USP13: variants seen among roughly 807,000 people sequenced by gnomAD.
USP13 encodes ubiquitin carboxyl-terminal hydrolase 13.
USP13 carries 68 observed loss-of-function variants against 107.8 expected under a neutral mutation model. That is an observed-to-expected ratio of 0.63 (90% CI 0.52 to 0.77). The LOEUF (loss-of-function observed/expected upper bound fraction) is 0.77. USP13 is among the 30% of genes least tolerant of loss of function. USP13 has a pLI of 0.00. For synonymous variants in USP13, 377 were observed against 389.5 expected (o/e 0.97, Z 0.38); for missense variants, 945 against 1,093.3 (o/e 0.86, Z 1.91).
Position 179,788,882 on chromosome 3 carries a change from C to T in USP13, c.*4741C>T, listed in dbSNP as rs918259697. On this transcript the variant is annotated 3_prime_UTR_variant, in exon 21 of 21. Coordinates refer to ENST00000263966, the MANE Select transcript of USP13 (RefSeq NM_003940.3). ...GAGCACTGTGAGGCACAGAACATCT[C>T]CCAGAAAGCAGATTTTTTTTTTCTG... 17 of 151,754 alleles carry T rather than the reference C, an allele frequency of 1.1e-4. No homozygotes were observed. Among genetic ancestry groups the T allele is most frequent in the African/African-American group, 3.4e-4 (14 of 41,408 alleles). The allele number at this position is 151,754 out of a possible 1,614,324, so 9.4% of individuals were successfully genotyped here. A position where few individuals can be genotyped will look rare whatever the true frequency, so the allele number is the denominator to read the frequency against.
intron 19 of USP13, among the ~76,000 whole-genome samples, chr3:179,778,160 C>T (rs756732242): frequency 2.4e-4 from 37 of 151,782 alleles, no homozygotes; most frequent in Non-Finnish European, 4.1e-4. Flanking sequence ...GCAATCTTCT[C>T]GGATTCATTT....
intron 1 of USP13, among the ~76,000 whole-genome samples, chr3:179,677,317 C>T (rs530253534): frequency 1.3e-5 from 2 of 152,038 alleles, no homozygotes; most frequent in Admixed American, 6.6e-5. Context: ...GGTGCAGTGG[C>T]TCACGCTGTA....
At chr3:179,777,443 CTTTTT>C (rs11317182) in intron 19 of USP13, among the ~76,000 whole-genome samples, 18 of 113,696 alleles carry the variant, frequency 1.6e-4, no homozygotes, top group Non-Finnish European at 3.0e-4. Flanking sequence ...CTCTCTCTCT[CTTTTT>C]TTTTTTTTTT....
rs756185305 is a variant in USP13 at position 179,784,101 on chromosome 3, A to G, written c.2552A>G (p.Asp851Gly). The G allele has an allele frequency of 1.2e-6, 2 of 1,613,228 alleles. No homozygotes were observed. Among genetic ancestry groups the G allele is most frequent in the African/African-American group, 2.7e-5 (2 of 74,828 alleles). Residue 851 changes from aspartate to glycine, a missense_variant, in exon 21 of 21, where the codon GAC (aspartate) becomes GGC (glycine). Transcript: ENST00000263966. ...TGTGCCTCAGAAAGGCCCCCTAAAG[A>G]CCTGGGCTACATGTACTTTTACCGC... ...KVCASERPPK[D>G]LGYMYFYRRI...
rs781272450 is a variant in USP13 at position 179,754,778 on chromosome 3, A to G, written c.1845A>G (p.Arg615=). 6.2e-7 allele frequency: 1 copy of G among 1,613,666 alleles called. No homozygotes were observed. ...ACCTACTTGATATCAACCATCTCCG[A>G]GCCAGGGGGTTACAGCCAGGAGAGG... ...MPDLLDINHL[R]ARGLQPGEEE... Residue 615 remains arginine (R), a synonymous_variant, in exon 15 of 21, where the codon CGA becomes CGG. Coordinates refer to ENST00000263966, the MANE Select transcript of USP13 (RefSeq NM_003940.3).
chr3:179,777,060 A>C (rs1715567254), intron 19 of USP13, among the ~76,000 whole-genome samples: 1 of 152,118 alleles, frequency 6.6e-6, no homozygotes, highest in Non-Finnish European at 1.5e-5. Flanking sequence ...GAGGTCGTGA[A>C]TAATGCATGG....
intron 7 of USP13, among the ~76,000 whole-genome samples, chr3:179,720,811 CT>C (rs1215405779): frequency 2.0e-3 from 285 of 142,334 alleles, no homozygotes; most frequent in East Asian, 2.6e-3. Context: ...TCTTTAAAAT[CT>C]TTTTTTTTTT....
chr3:179,755,520 G>C (rs765724272), intron 15 of USP13, among the ~76,000 whole-genome samples: 1 of 152,080 alleles, frequency 6.6e-6, no homozygotes, highest in Admixed American at 6.6e-5. Flanking sequence ...GGATGGTCTC[G>C]ATCTCCTGAC....
At chr3:179,688,672 A>T (rs1044209606) in intron 2 of USP13, among the ~76,000 whole-genome samples, 4 of 152,236 alleles carry the variant, frequency 2.6e-5, no homozygotes, top group Admixed American at 2.6e-4. Flanking sequence ...GCAAGTTTTC[A>T]TGCAACCCCT....
chr3:179,767,264 T>A (rs892420389), intron 19 of USP13, among the ~76,000 whole-genome samples: 1 of 152,172 alleles, frequency 6.6e-6, no homozygotes, highest in Non-Finnish European at 1.5e-5. Context: ...TACATACCAT[T>A]ATTATCCCCA....
At chr3:179,682,336 G>A (rs78065530) in intron 2 of USP13, among the ~76,000 whole-genome samples, 3 of 150,558 alleles carry the variant, frequency 2.0e-5, no homozygotes, top group Non-Finnish European at 4.4e-5. Context: ...CCATTTGAAT[G>A]TTCCTGCTTC....
intron 19 of USP13, among the ~76,000 whole-genome samples, chr3:179,779,817 G>A (rs936001106): frequency 6.6e-6 from 1 of 152,108 alleles, no homozygotes; most frequent in African/African-American, 2.4e-5. Context: ...AGGAAGCAAG[G>A]AGTCCAATTA....
intron 3 of USP13, among the ~76,000 whole-genome samples, chr3:179,694,450 C>T (rs530208498): frequency 3.3e-5 from 5 of 152,158 alleles, no homozygotes; most frequent in South Asian, 2.1e-4. Flanking sequence ...GGTCACCTTA[C>T]GGTCCAAAAT....
At chr3:179,740,206 G>C in intron 10 of USP13, 41 bp from the exon 11 acceptor site, 1 of 1,608,676 alleles carries the variant, frequency 6.2e-7, no homozygotes, top group Admixed American at 1.7e-5. Context: ...CTGTTAATTT[G>C]CATGAAAGTA....
Position 179,691,222 on chromosome 3 carries a change from A to G in USP13, c.355+921A>G, listed in dbSNP as rs183452574. ...TTTCTTTTTATTTCTAAAATTAGCC[A>G]AACTACAGACTTCATTCAGATTTCA... On this transcript the variant is annotated intron_variant, in intron 3 of 20. Transcript: ENST00000263966. 8.4e-4 allele frequency among the ~76,000 whole-genome samples: 128 copies of G among 151,978 alleles called. 1 individual carries two copies. Among genetic ancestry groups the G allele is most frequent in the African/African-American group, 2.8e-3 (116 of 41,460 alleles).
At chr3:179,776,265 T>A (rs959983389) in intron 19 of USP13, among the ~76,000 whole-genome samples, 1 of 152,106 alleles carries the variant, frequency 6.6e-6, no homozygotes, top group Non-Finnish European at 1.5e-5. Flanking sequence ...TTCTTCTCCT[T>A]GGCAGTACAG....
At chr3:179,702,320 G>A (rs924431008) in intron 4 of USP13, among the ~76,000 whole-genome samples, 1 of 152,156 alleles carries the variant, frequency 6.6e-6, no homozygotes, top group Admixed American at 6.5e-5. Flanking sequence ...CGCCCGGCCT[G>A]GTCTCCCATT....
chr3:179,733,303 G>A (rs1165758894), intron 10 of USP13, among the ~76,000 whole-genome samples: 2 of 152,166 alleles, frequency 1.3e-5, no homozygotes, highest in African/African-American at 2.4e-5. Context: ...GAGACAAGTC[G>A]GTCTTTGGTC....
At position 179,781,827 on chromosome 3, in the gene USP13, A is replaced by C; in HGVS notation, c.2498+4A>C. The C allele has an allele frequency of 6.2e-7, 1 of 1,611,986 alleles. No individual in the cohort carries two copies. The highest frequency in any genetic ancestry group is 8.5e-7 in the Non-Finnish European group (1 of 1,178,064). On this transcript the variant is annotated splice_donor_region_variant and intron_variant, in intron 20 of 20. Coordinates refer to ENST00000263966, the MANE Select transcript of USP13 (RefSeq NM_003940.3). ...GCCATATCAAAAAGGAAGGAAGGTG[A>C]GTCATTTTTAGAAGGTAAATGTTAG...
Sources: gnomAD v4.1 joint callset for allele counts (sites outside exome capture counted in the v4.1 genomes callset) on GRCh38, gnomAD v4.1.1 for gene constraint, MANE v1.5 for transcripts, NCBI Gene and HGNC (gene_info 2026-07-23, HGNC 2026-07-21) for gene names.